EDIL3: variants seen among roughly 807,000 people sequenced by gnomAD.
EDIL3 encodes EGF-like repeat and discoidin I-like domain-containing protein 3.
EDIL3 carries 37 observed loss-of-function variants against 67.4 expected under a neutral mutation model. That is an observed-to-expected ratio of 0.55 (90% CI 0.42 to 0.72). The LOEUF (loss-of-function observed/expected upper bound fraction) is 0.72, where lower values mean the gene tolerates loss of function less well. Among genes scored for constraint, EDIL3 ranks in the 30% least tolerant of loss-of-function variants. EDIL3 has a pLI of 0.00. For missense variants in EDIL3, 527 were observed against 586.3 expected (o/e 0.90, Z 1.04); for synonymous variants, 195 against 196.3 (o/e 0.99, Z 0.05).
At chr5:83,971,388 T>C (rs1466887438) in intron 9 of EDIL3, among the ~76,000 whole-genome samples, 3 of 151,802 alleles carry the variant, frequency 2.0e-5, no homozygotes, top group African/African-American at 7.3e-5. Context: ...GCCATCCTCT[T>C]GTCTCAGCCT....
chr5:84,285,315 A>G (rs1745788419), intron 1 of EDIL3, among the ~76,000 whole-genome samples: 1 of 152,234 alleles, frequency 6.6e-6, no homozygotes, highest in Admixed American at 6.5e-5. Flanking sequence ...GCAAATCCAT[A>G]TTACATATGT....
chr5:84,119,763 C>T (rs1580336331), intron 5 of EDIL3, among the ~76,000 whole-genome samples: 1 of 151,818 alleles, frequency 6.6e-6, no homozygotes, highest in East Asian at 1.9e-4. Flanking sequence ...AAAGTTTTAC[C>T]TGCTGGCAGT....
intron 9 of EDIL3, among the ~76,000 whole-genome samples, chr5:84,044,410 T>A (rs915541989): frequency 2.0e-5 from 3 of 152,200 alleles, no homozygotes; most frequent in African/African-American, 7.2e-5. Context: ...AATTACTGCT[T>A]ACCTTATGGG....
chr5:84,036,456 C>T (rs1580291764), intron 9 of EDIL3, among the ~76,000 whole-genome samples: 1 of 152,178 alleles, frequency 6.6e-6, no homozygotes, highest in African/African-American at 2.4e-5. Context: ...CCAGAAAAGA[C>T]AGATCTTTTG....
intron 9 of EDIL3, among the ~76,000 whole-genome samples, chr5:84,006,093 A>ATAC (rs1462299902): frequency 1.3e-5 from 2 of 149,002 alleles, no homozygotes; most frequent in Non-Finnish European, 3.0e-5. Flanking sequence ...AATAATAATA[A>ATAC]TAATAATAAT....
intron 4 of EDIL3, among the ~76,000 whole-genome samples, chr5:84,176,933 C>T (rs1755259330): frequency 6.6e-6 from 1 of 152,012 alleles, no homozygotes; most frequent in African/African-American, 2.4e-5. Flanking sequence ...TAGCTGAAAT[C>T]CAAAACACAA....
chr5:84,176,204 T>TATATATATATATATATATA (rs1748905901), intron 4 of EDIL3, among the ~76,000 whole-genome samples: 2 of 20,218 alleles, frequency 9.9e-5, no homozygotes, highest in African/African-American at 1.7e-4. Flanking sequence ...ATATAATATA[T>TATATATATATATATATATA]ATATATATAT....
At chr5:84,013,922 T>G (rs1745557300) in intron 9 of EDIL3, among the ~76,000 whole-genome samples, 1 of 152,158 alleles carries the variant, frequency 6.6e-6, no homozygotes, top group Non-Finnish European at 1.5e-5. Flanking sequence ...TAGATTGAAT[T>G]GTAGATAAAT....
chr5:84,173,191 C>T (rs755369686), intron 4 of EDIL3, among the ~76,000 whole-genome samples: 2 of 152,092 alleles, frequency 1.3e-5, no homozygotes, highest in Non-Finnish European at 2.9e-5. Flanking sequence ...TATGGAGGTG[C>T]CTTGAAAACA....
chr5:84,158,054 A>G (rs1330628444), intron 4 of EDIL3, among the ~76,000 whole-genome samples: 1 of 152,118 alleles, frequency 6.6e-6, no homozygotes. Context: ...CATACAGACA[A>G]AACAGGCACA....
At chr5:84,213,278 G>C (rs1262445289) in intron 3 of EDIL3, among the ~76,000 whole-genome samples, 1 of 151,166 alleles carries the variant, frequency 6.6e-6, no homozygotes, top group Non-Finnish European at 1.5e-5. Context: ...ATGCTAAAAT[G>C]TTTCTGGAAA....
At chr5:84,312,777 T>G (rs576195662) in intron 1 of EDIL3, among the ~76,000 whole-genome samples, 39 of 152,328 alleles carry the variant, frequency 2.6e-4, no homozygotes, top group African/African-American at 9.4e-4. Flanking sequence ...TAAATTACAA[T>G]TTTTGTCAGC....
Position 84,325,101 on chromosome 5 carries a change from GCA to G in EDIL3, c.67+59205_67+59206del, listed in dbSNP as rs1262007810. Among the ~76,000 whole-genome samples, 3 of 151,732 alleles carry G rather than the reference GCA, an allele frequency of 2.0e-5. No homozygotes were observed. In the East Asian group the frequency reaches 5.8e-4, roughly 29 times the overall value. ...TGATTTCTTGGACATGACATGAAAG[GCA>G]CAGACATCAAAAGAAAAAATAGACA... is the stretch of plus-strand genomic sequence containing the variant. On this transcript the variant is annotated intron_variant, in intron 1 of 10. Transcript: ENST00000296591.
chr5:84,158,140 ATAACT>A (rs1273156551), intron 4 of EDIL3, among the ~76,000 whole-genome samples: 1 of 152,106 alleles, frequency 6.6e-6, no homozygotes, highest in Admixed American at 6.6e-5. Context: ...GAAAGTAAAA[ATAACT>A]TGACATCTGA....
At chr5:84,023,207 G>A (rs67558570) in intron 9 of EDIL3, among the ~76,000 whole-genome samples, 29,016 of 151,822 alleles carry the variant, frequency 0.19, 3,098 homozygotes, top group South Asian at 0.25. Context: ...TGGAATTATC[G>A]TGTGGTATAT....
chr5:84,272,015 C>A (rs1012224246), intron 1 of EDIL3, among the ~76,000 whole-genome samples: 10 of 151,996 alleles, frequency 6.6e-5, no homozygotes, highest in African/African-American at 2.4e-4. Context: ...AAATCTGGAA[C>A]TACTGACAAT....
chr5:84,154,693 CT>C lies in EDIL3; in HGVS notation c.356-17340del, dbSNP rs397881707. ...CTCCTGGAGCCCTCTTCTGCTTCTGCTTTTTTTTTTTTTTTTTTTTTTTAAA... is the reference window on the plus strand; with the variant it reads ...CTCCTGGAGCCCTCTTCTGCTTCTGCTTTTTTTTTTTTTTTTTTTTTTAAA... On this transcript the variant is annotated intron_variant, in intron 4 of 10. Transcript: ENST00000296591. Among the ~76,000 whole-genome samples the C allele has an allele frequency of 8.4e-4, 78 of 92,320 alleles. 1 individual carries two copies. Among genetic ancestry groups the C allele is most frequent in the Middle Eastern group, 9.1e-3 (1 of 110 alleles). The allele number at this position is 92,320 out of a possible 152,430, so 60.6% of individuals were successfully genotyped here.
At chr5:84,227,863 TA>T (rs1744485402) in intron 3 of EDIL3, among the ~76,000 whole-genome samples, 1 of 152,042 alleles carries the variant, frequency 6.6e-6, no homozygotes, top group African/African-American at 2.4e-5. Flanking sequence ...AAGTGGTAGC[TA>T]AACATTGAGC....
intron 9 of EDIL3, among the ~76,000 whole-genome samples, chr5:84,025,578 A>AT (rs1158477423): frequency 6.6e-6 from 1 of 152,124 alleles, no homozygotes; most frequent in Non-Finnish European, 1.5e-5. Context: ...ACTATTCCCA[A>AT]CCCAGTCTGT....
Sources: allele counts gnomAD v4.1 joint callset (sites outside exome capture counted in the v4.1 genomes callset), GRCh38; gene constraint gnomAD v4.1.1; transcripts MANE v1.5; gene names NCBI Gene and HGNC (gene_info 2026-07-23, HGNC 2026-07-21).